RNASET2: variants seen among roughly 807,000 people sequenced by gnomAD.
RNASET2 encodes the protein ribonuclease T2.
RNASET2 carries 28 observed loss-of-function variants against 33.9 expected under a neutral mutation model. That is an observed-to-expected ratio of 0.83 (90% CI 0.61 to 1.13). The LOEUF (loss-of-function observed/expected upper bound fraction) is 1.13, where lower values mean the gene tolerates loss of function less well. Ranked by LOEUF, RNASET2 falls within the 50% of genes most tolerant of loss-of-function variation. RNASET2 has a pLI of 0.00. For synonymous variants in RNASET2, 123 were observed against 121.0 expected, an observed-to-expected ratio of 1.02 and a Z score of -0.11; for missense variants, 330 against 319.9, an observed-to-expected ratio of 1.03 and a Z score of -0.24.
In RNASET2 at chr6:166,923,246, T is replaced by TC. The variant is rs1456565954; in HGVS notation, c.*6341_*6342insG. ...GCCCGGCCTTTTTTTTTTTTTTTTT[T>TC]TTTGAGACAGAGTCTTACTCTGTTG... On this transcript the variant is annotated 3_prime_UTR_variant, in exon 9 of 9. Transcript: ENST00000508775. Among the ~76,000 whole-genome samples, 11 of 148,604 alleles carry TC rather than the reference T, an allele frequency of 7.4e-5. No homozygotes were observed. The highest frequency in any genetic ancestry group is 2.8e-4 in the African/African-American group (11 of 39,278).
Position 166,938,920 on chromosome 6 carries a change from G to C in RNASET2, c.421C>G (p.Leu141Val), listed in dbSNP as rs200217470. ...CTGTTGAGGTCCAGCTCCCTGTAGAGTTCCAGGCTTCTGCCAAAGTACTTC... is the reference window on the plus strand; with the variant it reads ...CTGTTGAGGTCCAGCTCCCTGTAGACTTCCAGGCTTCTGCCAAAGTACTTC... ...QKKYFGRSLELYRELDLNSVL... is the reference protein window; with the variant it reads ...QKKYFGRSLEVYRELDLNSVL... Residue 141 changes from leucine (L) to valine (V), a missense_variant, in exon 6 of 9, where the codon CTC becomes GTC. Leu to Val is a conservative substitution (Grantham distance 32). Coordinates refer to ENST00000508775, the MANE Select transcript of RNASET2 (RefSeq NM_003730.6). The C allele has an allele frequency of 4.3e-6, 7 of 1,613,680 alleles. No homozygotes were observed. The Admixed American group carries it at 1.2e-4, about 27-fold the overall frequency.
intron 4 of RNASET2, chr6:166,943,413 A>C: frequency 2.8e-6 from 1 of 357,996 alleles, no homozygotes; most frequent in South Asian, 2.2e-5. Context: ...GAGGAACTGC[A>C]AACATACATT....
At chr6:166,939,794 A>G (rs1778654068) in intron 5 of RNASET2, among the ~76,000 whole-genome samples, 1 of 152,254 alleles carries the variant, frequency 6.6e-6, no homozygotes, top group African/African-American at 2.4e-5. Flanking sequence ...AGAGGACAAT[A>G]AGAACAACTG....
chr6:166,944,900 C>T (rs571970841), intron 4 of RNASET2, among the ~76,000 whole-genome samples: 3 of 151,858 alleles, frequency 2.0e-5, no homozygotes, highest in Non-Finnish European at 2.9e-5. Flanking sequence ...CCCCTTAGCC[C>T]ACCCACATCC....
At chr6:166,944,618 C>T (rs1040877833) in intron 4 of RNASET2, among the ~76,000 whole-genome samples, 1 of 152,178 alleles carries the variant, frequency 6.6e-6, no homozygotes, top group South Asian at 2.1e-4. Flanking sequence ...TGCTACACAA[C>T]AAGGAAGCCA....
At position 166,933,835 on chromosome 6, in the gene RNASET2, A is replaced by G; in HGVS notation, c.492+256T>C. On this transcript the variant is annotated intron_variant, in intron 7 of 8. Coordinates refer to ENST00000508775, the MANE Select transcript of RNASET2 (RefSeq NM_003730.6). This position sits in a 1 kb window ranked among gnomAD's most constrained non-coding sequence, Gnocchi z 4.1. ...CTGCAGATTCCACCTGCTCTGCCGG[A>G]CCCTGGAGCACACACTTCTCACAAA... The G allele has an allele frequency of 1.8e-6, 1 of 563,488 alleles. No individual in the cohort carries two copies. Among genetic ancestry groups the G allele is most frequent in the Non-Finnish European group, 3.2e-6 (1 of 316,482 alleles). The allele number at this position is 563,488 out of a possible 1,614,324, so 34.9% of individuals were successfully genotyped here. A position where few individuals can be genotyped will look rare whatever the true frequency, so the allele number is the denominator to read the frequency against.
At chr6:166,935,446 A>G (rs994673624) in intron 6 of RNASET2, among the ~76,000 whole-genome samples, 1 of 151,116 alleles carries the variant, frequency 6.6e-6, no homozygotes, top group Non-Finnish European at 1.5e-5. Flanking sequence ...GGAATACGGC[A>G]AAGAGAGAAA....
chr6:166,951,369 A>G (rs1399350298), intron 2 of RNASET2, among the ~76,000 whole-genome samples: 1 of 152,252 alleles, frequency 6.6e-6, no homozygotes, highest in African/African-American at 2.4e-5. Flanking sequence ...GGCTGTGGGC[A>G]GGCCTGACTG....
rs1778296608 is a variant in RNASET2 at position 166,925,821 on chromosome 6, A to C, written c.*3767T>G. Among the ~76,000 whole-genome samples the C allele has an allele frequency of 6.6e-6, 1 of 152,242 alleles. No individual in the cohort carries two copies. The highest frequency in any genetic ancestry group is 1.5e-5 in the Non-Finnish European group (1 of 68,038). On this transcript the variant is annotated 3_prime_UTR_variant, in exon 9 of 9. Coordinates refer to ENST00000508775, the MANE Select transcript of RNASET2 (RefSeq NM_003730.6). ...AGCAGAAGAGCACTCCAGGCCACCC[A>C]AACTGCGCGGAGAATCCAGGCACAA...
At position 166,929,253 on chromosome 6, in the gene RNASET2, ACT is replaced by A. The variant is rs1363510732; in HGVS notation, c.*333_*334del. On this transcript the variant is annotated 3_prime_UTR_variant, in exon 9 of 9. Transcript: ENST00000508775. ...GAAGGCAACAGGCTCCGAGGGGAAAACTCGAGCAAGAGAGTCCCCTGAATCGG... is the reference window on the plus strand; with the variant it reads ...GAAGGCAACAGGCTCCGAGGGGAAAACGAGCAAGAGAGTCCCCTGAATCGG... Among the ~76,000 whole-genome samples, 2 of 152,104 alleles carry A rather than the reference ACT, an allele frequency of 1.3e-5. No individual in the cohort carries two copies. The highest frequency in any genetic ancestry group is 2.9e-5 in the Non-Finnish European group (2 of 68,016).
At chr6:166,944,970 C>A (rs531429831) in intron 4 of RNASET2, 1 of 158,372 alleles carries the variant, frequency 6.3e-6, no homozygotes, top group Non-Finnish European at 1.4e-5. Flanking sequence ...CTCACCCACC[C>A]ACGTCCACAC....
intron 7 of RNASET2, chr6:166,932,259 G>A (rs902617137): frequency 2.0e-5 from 3 of 152,574 alleles, no homozygotes; most frequent in African/African-American, 7.2e-5. Flanking sequence ...TACTCGGAGG[G>A]TCTCTGTGCC....
In RNASET2 at chr6:166,928,015, G is replaced by A. The variant is rs1161274890; in HGVS notation, c.*1573C>T. On this transcript the variant is annotated 3_prime_UTR_variant, in exon 9 of 9. Transcript: ENST00000508775. ...TGGGGACCCTGGACCCTTGGGCTCC[G>A]CTAGCCTTCCCCACAGCTTGCAGAA... Among the ~76,000 whole-genome samples the A allele has an allele frequency of 6.6e-6, 1 of 152,226 alleles. No homozygotes were observed. The highest frequency in any genetic ancestry group is 1.9e-4 in the East Asian group (1 of 5,202).
At position 166,928,953 on chromosome 6, in the gene RNASET2, G is replaced by A. The variant is rs1008447958; in HGVS notation, c.*635C>T. Reference sequence around the variant, plus strand: ...ACAGAAACTGACCTTCCAGTAACCTGGAAGAGACTGCTCTGACGGAGACAG... The same window carrying A: ...ACAGAAACTGACCTTCCAGTAACCTAGAAGAGACTGCTCTGACGGAGACAG... On this transcript the variant is annotated 3_prime_UTR_variant, in exon 9 of 9. Coordinates refer to ENST00000508775, the MANE Select transcript of RNASET2 (RefSeq NM_003730.6). Among the ~76,000 whole-genome samples the A allele has an allele frequency of 1.3e-5, 2 of 152,232 alleles. No individual in the cohort carries two copies. Among genetic ancestry groups the A allele is most frequent in the African/African-American group, 4.8e-5 (2 of 41,460 alleles).
chr6:166,929,376 C>A lies in RNASET2; in HGVS notation c.*212G>T. On this transcript the variant is annotated 3_prime_UTR_variant, in exon 9 of 9. Coordinates refer to ENST00000508775, the MANE Select transcript of RNASET2 (RefSeq NM_003730.6). ...AAAAAACAATCTGTGAGCTTTATCC[C>A]AAGCACAAAACAGCCACTCAGGCGT... The A allele has an allele frequency of 1.6e-6, 1 of 631,494 alleles. No individual in the cohort carries two copies. The highest frequency in any genetic ancestry group is 2.8e-6 in the Non-Finnish European group (1 of 356,950). The allele number at this position is 631,494 out of a possible 1,614,324, so 39.1% of individuals were successfully genotyped here.
chr6:166,946,699 T>A lies in RNASET2; in HGVS notation c.244A>T (p.Asn82Tyr). Residue 82 changes from asparagine to tyrosine, a missense_variant, in exon 4 of 9, where the codon AAT (asparagine) becomes TAT (tyrosine). By Grantham distance (143) the Asn-to-Tyr change is moderately radical. Coordinates refer to ENST00000508775, the MANE Select transcript of RNASET2 (RefSeq NM_003730.6). ...GTCAATACCTTAATCTCTTCTAAAT[T>A]GAAGGGCCACGATCTATTACATCCT... ...SEGCNRSWPFNLEEIKDLLPE... is the reference protein window; with the variant it reads ...SEGCNRSWPFYLEEIKDLLPE... 1.3e-6 allele frequency: 2 copies of A among 1,560,282 alleles called. No homozygotes were observed. The highest frequency in any genetic ancestry group is 1.8e-6 in the Non-Finnish European group (2 of 1,141,342).
rs553853693 is a variant in RNASET2, at chr6:166,922,883, G to C, written c.*6705C>G. ...CCAACCACCAAAGCTGTACACGCCAGGTTCAATGTCTTTGCTGGTAAAAAT... is the reference window on the plus strand; with the variant it reads ...CCAACCACCAAAGCTGTACACGCCACGTTCAATGTCTTTGCTGGTAAAAAT... On this transcript the variant is annotated 3_prime_UTR_variant, in exon 9 of 9. Transcript: ENST00000508775. Among the ~76,000 whole-genome samples, 63 of 152,338 alleles carry C rather than the reference G, an allele frequency of 4.1e-4. No homozygotes were observed. The highest frequency in any genetic ancestry group is 1.5e-3 in the African/African-American group (61 of 41,570).
At chr6:166,936,876 A>T (rs1366077543) in intron 6 of RNASET2, among the ~76,000 whole-genome samples, 1 of 152,228 alleles carries the variant, frequency 6.6e-6, no homozygotes, top group Non-Finnish European at 1.5e-5. Context: ...TAGATGATTG[A>T]TTTTAAAATT....
intron 4 of RNASET2, chr6:166,943,298 C>T (rs898069988): frequency 4.0e-5 from 19 of 470,364 alleles, no homozygotes; most frequent in African/African-American, 2.0e-4. Flanking sequence ...AAACTGCACA[C>T]GAAAATACAA....
Sources: allele counts gnomAD v4.1 joint callset (sites outside exome capture counted in the v4.1 genomes callset), GRCh38; gene constraint gnomAD v4.1.1; non-coding constraint Gnocchi (gnomAD v3.1); transcripts MANE v1.5; gene names NCBI Gene and HGNC (gene_info 2026-07-23, HGNC 2026-07-21).